Variants in CADM2 observed in about 807,000 individuals in gnomAD.
The protein encoded by CADM2 is cell adhesion molecule 2.
A neutral mutation model predicts 49.8 loss-of-function variants in CADM2; 12 were observed. The observed-to-expected ratio is 0.24, with a 90% CI of 0.15 to 0.39. The LOEUF (loss-of-function observed/expected upper bound fraction) is 0.39, where lower values mean the gene tolerates loss of function less well. Among genes scored for constraint, CADM2 ranks in the 10% least tolerant of loss-of-function variants. The pLI, the probability that CADM2 is intolerant of heterozygous loss-of-function variation, is 1.00. For missense variants in CADM2, 378 were observed against 492.3 expected, an observed-to-expected ratio of 0.77 and a Z score of 2.20; for synonymous variants, 214 against 175.4, an observed-to-expected ratio of 1.22 and a Z score of -1.74.
intron 1 of CADM2, among the ~76,000 whole-genome samples, chr3:85,352,458 A>T (rs2031445049): frequency 6.6e-6 from 1 of 152,152 alleles, no homozygotes; most frequent in Admixed American, 6.6e-5. Flanking sequence ...TTTTATGATT[A>T]TCACATTGGG....
chr3:85,212,396 CA>C (rs1302533377), intron 1 of CADM2, among the ~76,000 whole-genome samples: 1 of 151,930 alleles, frequency 6.6e-6, no homozygotes, highest in Admixed American at 6.6e-5. Flanking sequence ...TGGTTTTCTC[CA>C]GTGGCATGTT....
intron 3 of CADM2, among the ~76,000 whole-genome samples, chr3:85,854,418 G>T (rs1368350741): frequency 3.9e-5 from 6 of 152,090 alleles, no homozygotes; most frequent in African/African-American, 9.7e-5. Context: ...AGAAAATGTG[G>T]CACATATACA....
At chr3:85,790,842 A>G (rs2071279928) in intron 2 of CADM2, among the ~76,000 whole-genome samples, 1 of 152,104 alleles carries the variant, frequency 6.6e-6, no homozygotes, top group Non-Finnish European at 1.5e-5. Context: ...ACAGGTCTCC[A>G]AAGTACTTCC....
chr3:85,408,385 G>A (rs1433710), intron 1 of CADM2, among the ~76,000 whole-genome samples: 131,541 of 152,202 alleles, frequency 0.86, 56,984 homozygotes, highest in East Asian at 0.95. Context: ...ACGATGACTA[G>A]TCTAATTCTG....
At chr3:85,051,177 G>A (rs1019514952) in intron 1 of CADM2, among the ~76,000 whole-genome samples, 6 of 152,076 alleles carry the variant, frequency 3.9e-5, no homozygotes, top group East Asian at 3.9e-4. Context: ...TAAAGTTAAC[G>A]TCATTAAGTG....
intron 2 of CADM2, among the ~76,000 whole-genome samples, chr3:85,762,174 A>G (rs2069422957): frequency 6.6e-6 from 1 of 152,132 alleles, no homozygotes; most frequent in Non-Finnish European, 1.5e-5. Context: ...AAACCCCCTT[A>G]CTTAAGGGAG....
At chr3:85,302,884 A>G (rs761976163) in intron 1 of CADM2, among the ~76,000 whole-genome samples, 31 of 152,026 alleles carry the variant, frequency 2.0e-4, no homozygotes, top group Non-Finnish European at 3.4e-4. Flanking sequence ...TTTTCATTTA[A>G]TAACCAGACA....
At chr3:85,596,756 G>C (rs1329051658) in intron 1 of CADM2, among the ~76,000 whole-genome samples, 1 of 151,984 alleles carries the variant, frequency 6.6e-6, no homozygotes, top group African/African-American at 2.4e-5. Flanking sequence ...TTGCTCTGTT[G>C]CCCATGCTGG....
chr3:86,038,080 T>C (rs2107208902), intron 8 of CADM2, among the ~76,000 whole-genome samples: 1 of 152,316 alleles, frequency 6.6e-6, no homozygotes, highest in East Asian at 1.9e-4. Flanking sequence ...AGTGAGAACA[T>C]ACAGTGTTTG....
intron 1 of CADM2, among the ~76,000 whole-genome samples, chr3:85,178,028 T>C (rs1408127221): frequency 1.3e-5 from 2 of 151,956 alleles, no homozygotes; most frequent in Admixed American, 6.6e-5. Context: ...ATATTGGAGA[T>C]GCAAATAATT....
At position 84,971,929 on chromosome 3, in the gene CADM2, T is replaced by G. The variant is rs187716068; in HGVS notation, c.61+12261T>G. Among the ~76,000 whole-genome samples, 122 of 152,126 alleles carry G rather than the reference T, an allele frequency of 8.0e-4. 1 individual carries two copies. The highest frequency in any genetic ancestry group is 3.9e-3 in the South Asian group (19 of 4,824). ...AGTGGAACACAAGCAGCAGACATGG[T>G]CAAATTGTGGTTCGTGTGGAAGTGG... On this transcript the variant is annotated intron_variant, in intron 1 of 9. Transcript: ENST00000383699.
chr3:85,914,446 C>A (rs1474835566), intron 6 of CADM2, among the ~76,000 whole-genome samples: 1 of 151,982 alleles, frequency 6.6e-6, no homozygotes, highest in Non-Finnish European at 1.5e-5. Context: ...ATCAGTGGGT[C>A]TCTCAAAATA....
intron 1 of CADM2, among the ~76,000 whole-genome samples, chr3:85,531,903 T>C (rs2061320896): frequency 6.6e-6 from 1 of 151,954 alleles, no homozygotes; most frequent in Admixed American, 6.6e-5. Flanking sequence ...AAAGTCCAGG[T>C]GCGGTGGCTC....
chr3:85,273,349 T>C (rs764510284), intron 1 of CADM2, among the ~76,000 whole-genome samples: 22 of 151,376 alleles, frequency 1.5e-4, no homozygotes, highest in East Asian at 1.4e-3. Context: ...GAACATGACT[T>C]AGTTTTTGAC....
intron 1 of CADM2, among the ~76,000 whole-genome samples, chr3:85,690,454 G>T (rs908777879): frequency 5.3e-5 from 8 of 150,400 alleles, no homozygotes; most frequent in Non-Finnish European, 7.4e-5. Flanking sequence ...GATTCAAAAT[G>T]ATTATTACAA....
chr3:85,300,093 C>A (rs536039280), intron 1 of CADM2, among the ~76,000 whole-genome samples: 1 of 152,102 alleles, frequency 6.6e-6, no homozygotes, highest in East Asian at 1.9e-4. Context: ...GCTGTTTAAC[C>A]GCATTTTCAA....
At chr3:85,323,180 A>G (rs2044661621) in intron 1 of CADM2, among the ~76,000 whole-genome samples, 1 of 152,140 alleles carries the variant, frequency 6.6e-6, no homozygotes, top group Admixed American at 6.5e-5. Flanking sequence ...TCAGTCTAGG[A>G]CTGAATGCAA....
intron 2 of CADM2, among the ~76,000 whole-genome samples, chr3:85,738,942 T>A (rs1269291995): frequency 6.6e-6 from 1 of 152,168 alleles, no homozygotes; most frequent in Non-Finnish European, 1.5e-5. Flanking sequence ...AGTTGTAATA[T>A]ACAGTTTATA....
intron 1 of CADM2, among the ~76,000 whole-genome samples, chr3:85,005,033 C>A (rs900857385): frequency 2.0e-5 from 3 of 152,128 alleles, no homozygotes; most frequent in Non-Finnish European, 4.4e-5. Flanking sequence ...GAGAAACAAC[C>A]TTTAATATCA....
Sources: gnomAD v4.1 joint callset for allele counts (sites outside exome capture counted in the v4.1 genomes callset) on GRCh38, gnomAD v4.1.1 for gene constraint, MANE v1.5 for transcripts, NCBI Gene and HGNC (gene_info 2026-07-23, HGNC 2026-07-21) for gene names.